The following TDRD12 variants were observed in gnomAD, a reference collection of about 807,000 sequenced individuals.
TDRD12 encodes tudor domain containing 12, also known as putative ATP-dependent RNA helicase TDRD12.
A neutral mutation model predicts 133.5 loss-of-function variants in TDRD12; 158 were observed. That is an observed-to-expected ratio of 1.18 (90% confidence interval 1.04 to 1.35). The LOEUF (loss-of-function observed/expected upper bound fraction) is 1.35. TDRD12 is among the 40% of genes most tolerant of loss of function. The pLI is 0.00. For missense variants in TDRD12, 1,443 were observed against 1,321.3 expected, an observed-to-expected ratio of 1.09 and a Z score of -1.43; for synonymous variants, 460 against 477.9, an observed-to-expected ratio of 0.96 and a Z score of 0.49.
intron 1 of TDRD12, among the ~76,000 whole-genome samples, chr19:32,726,757 C>G (rs974914222): frequency 2.6e-5 from 4 of 151,956 alleles, no homozygotes; most frequent in Non-Finnish European, 4.4e-5. Flanking sequence ...AAATATATGT[C>G]TTTTTTTAAA....
rs1969701982 is a variant in TDRD12, at chr19:32,747,902, CT to C, written c.441-573del. Reference sequence around the variant, plus strand: ...TGGTGGGGCACACCTGTAGTCCTAGCTACTCAGGAGGCTGAGATGAGAGGAT... The same window carrying C: ...TGGTGGGGCACACCTGTAGTCCTAGCACTCAGGAGGCTGAGATGAGAGGAT... On this transcript the variant is annotated intron_variant, in intron 4 of 27. Transcript: ENST00000444215. 3.3e-5 allele frequency among the ~76,000 whole-genome samples: 5 copies of C among 152,176 alleles called. No individual in the cohort carries two copies. The South Asian group carries it at 8.3e-4, about 25-fold the overall frequency.
chr19:32,757,213 G>C, intron 8 of TDRD12, 83 bp downstream of exon 8: 1 of 1,113,362 alleles, frequency 9.0e-7, no homozygotes, highest in Non-Finnish European at 1.3e-6. Context: ...AGGTTGTCTA[G>C]AAAGGCCATG....
chr19:32,723,807 A>G (rs1184073402), intron 1 of TDRD12, among the ~76,000 whole-genome samples: 1 of 152,044 alleles, frequency 6.6e-6, no homozygotes, highest in Non-Finnish European at 1.5e-5. Context: ...CAGCATAGGA[A>G]TTTTGCACAT....
intron 6 of TDRD12, among the ~76,000 whole-genome samples, chr19:32,752,063 G>A (rs1446941016): frequency 6.6e-6 from 1 of 151,848 alleles, no homozygotes; most frequent in Non-Finnish European, 1.5e-5. Context: ...AAGTAGAAAC[G>A]GGGTTTTACC....
chr19:32,738,452 AC>A (rs890286253), intron 2 of TDRD12, among the ~76,000 whole-genome samples: 3 of 152,058 alleles, frequency 2.0e-5, no homozygotes, highest in African/African-American at 7.2e-5. Context: ...GAGAATGTTG[AC>A]TGGGATGGTT....
chr19:32,750,188 C>T (rs760851308), intron 6 of TDRD12, among the ~76,000 whole-genome samples: 2 of 152,124 alleles, frequency 1.3e-5, no homozygotes, highest in African/African-American at 2.4e-5. Flanking sequence ...CACTGCCTTT[C>T]CCCCTAGACT....
At chr19:32,723,343 C>G (rs1342199542) in intron 1 of TDRD12, among the ~76,000 whole-genome samples, 6 of 151,048 alleles carry the variant, frequency 4.0e-5, no homozygotes, top group Non-Finnish European at 7.4e-5. Flanking sequence ...CTCTGCCTCC[C>G]GGGTTCATGC....
intron 3 of TDRD12, among the ~76,000 whole-genome samples, chr19:32,741,075 T>C (rs1469966299): frequency 6.6e-6 from 1 of 152,046 alleles, no homozygotes; most frequent in Non-Finnish European, 1.5e-5. Context: ...ATAAGAGGTG[T>C]CTATTTTGTT....
intron 8 of TDRD12, among the ~76,000 whole-genome samples, chr19:32,771,029 G>A (rs1970429289): frequency 6.6e-6 from 1 of 152,198 alleles, no homozygotes; most frequent in African/African-American, 2.4e-5. Flanking sequence ...TCACAGTTGT[G>A]CAAGCTGTAT....
At chr19:32,729,463 C>T (rs535404506) in intron 1 of TDRD12, among the ~76,000 whole-genome samples, 73 of 151,716 alleles carry the variant, frequency 4.8e-4, no homozygotes, top group African/African-American at 1.7e-3. Context: ...GTGATCCGCC[C>T]GTCTCGGCCT....
chr19:32,802,141 ATATAT>A (rs1373336307), intron 19 of TDRD12, among the ~76,000 whole-genome samples: 3 of 143,092 alleles, frequency 2.1e-5, no homozygotes, highest in South Asian at 2.1e-4. Context: ...TATATATGAT[ATATAT>A]TATCATATAT....
intron 8 of TDRD12, among the ~76,000 whole-genome samples, chr19:32,757,478 A>G (rs2145552503): frequency 6.6e-6 from 1 of 152,350 alleles, no homozygotes; most frequent in Non-Finnish European, 1.5e-5. Context: ...TAGGGAAGAC[A>G]TGCTTATGAG....
At position 32,742,994 on chromosome 19, in the gene TDRD12, C is replaced by T; in HGVS notation, c.440+94C>T. On this transcript the variant is annotated intron_variant, in intron 4 of 27. Transcript: ENST00000444215. ...TGAAGTCAGTTCCTCTGTAGAAGTGCTGAGCAGGAGGTCTCTGTTCTTCAG... is the reference window on the plus strand; with the variant it reads ...TGAAGTCAGTTCCTCTGTAGAAGTGTTGAGCAGGAGGTCTCTGTTCTTCAG... 3 of 1,448,634 alleles carry T rather than the reference C, an allele frequency of 2.1e-6. No individual in the cohort carries two copies. In the Middle Eastern group the frequency reaches 5.3e-4, roughly 257 times the overall value. The allele number at this position is 1,448,634 out of a possible 1,614,324, so 89.7% of individuals were successfully genotyped here.
At chr19:32,741,184 C>T (rs1157493831) in intron 3 of TDRD12, among the ~76,000 whole-genome samples, 1 of 152,160 alleles carries the variant, frequency 6.6e-6, no homozygotes, top group Non-Finnish European at 1.5e-5. Context: ...CCAGTTCAAG[C>T]GATTCTCCTG....
intron 8 of TDRD12, among the ~76,000 whole-genome samples, chr19:32,764,184 T>C (rs1381671385): frequency 7.2e-6 from 1 of 138,206 alleles, no homozygotes; most frequent in East Asian, 2.4e-4. Context: ...AATCTCAGCT[T>C]ACTGCAAGCT....
intron 14 of TDRD12, among the ~76,000 whole-genome samples, chr19:32,796,483 GC>G (rs762854289): frequency 3.8e-4 from 58 of 152,162 alleles, no homozygotes; most frequent in Middle Eastern, 3.4e-3. Flanking sequence ...TACTCGAGAG[GC>G]TGAGGCAGGA....
intron 14 of TDRD12, among the ~76,000 whole-genome samples, chr19:32,795,337 A>AAG (rs1445489704): frequency 7.1e-5 from 2 of 28,116 alleles, no homozygotes; most frequent in African/African-American, 4.6e-4. Context: ...CCATCTCAGA[A>AAG]AAAAAAAAAA....
At chr19:32,768,512 A>T (rs1292763606) in intron 8 of TDRD12, among the ~76,000 whole-genome samples, 2 of 151,670 alleles carry the variant, frequency 1.3e-5, no homozygotes, top group African/African-American at 4.8e-5. Context: ...GACTAGGCTC[A>T]CACCACCATG....
chr19:32,829,348 T>C (rs1967685293), exon 10 of TDRD12: 1 of 152,266 alleles, frequency 6.6e-6, no homozygotes, highest in African/African-American at 2.4e-5. Flanking sequence ...ATTCAAATGT[T>C]CTAATATCTG....
Sources: gnomAD v4.1 joint callset for allele counts (sites outside exome capture counted in the v4.1 genomes callset) on GRCh38, gnomAD v4.1.1 for gene constraint, MANE v1.5 for transcripts, NCBI Gene and HGNC (gene_info 2026-07-23, HGNC 2026-07-21) for gene names.